The following CACNA2D3 variants were observed in gnomAD, a reference collection of about 807,000 sequenced individuals.
CACNA2D3 encodes calcium voltage-gated channel auxiliary subunit alpha2delta 3, also known as voltage-dependent calcium channel subunit alpha-2/delta-3.
In CACNA2D3, 60 loss-of-function variants were observed where a neutral mutation model predicts 160.6. The observed-to-expected ratio is 0.37, with a 90% CI of 0.30 to 0.46. The LOEUF (loss-of-function observed/expected upper bound fraction) is 0.46, where lower values mean the gene tolerates loss of function less well. Ranked by LOEUF, CACNA2D3 falls within the 20% of genes least tolerant of loss-of-function variation. The pLI is 1.00. For synonymous variants in CACNA2D3, 558 were observed against 492.9 expected (o/e 1.13, Z -1.75); for missense variants, 1,205 against 1,365.0 (o/e 0.88, Z 1.85).
chr3:54,676,357 G>A (rs1327686639), intron 11 of CACNA2D3, among the ~76,000 whole-genome samples: 6 of 152,114 alleles, frequency 3.9e-5, no homozygotes, highest in Admixed American at 2.6e-4. Flanking sequence ...CACCTGGTGG[G>A]ACCTGTCTTG....
intron 2 of CACNA2D3, among the ~76,000 whole-genome samples, chr3:54,281,398 G>T (rs756909830): frequency 6.6e-6 from 1 of 152,146 alleles, no homozygotes; most frequent in Non-Finnish European, 1.5e-5. Flanking sequence ...GTCAGACCAC[G>T]TGGGAGCTAG....
At position 54,461,404 on chromosome 3, in the gene CACNA2D3, C is replaced by T. The variant is rs949709684; in HGVS notation, c.382-42088C>T. On this transcript the variant is annotated intron_variant, in intron 4 of 37. Coordinates refer to ENST00000474759, the MANE Select transcript of CACNA2D3 (RefSeq NM_018398.3). The stretch of plus-strand genomic sequence containing the variant: ...GAATTCGGCTGTGAATCCATCTGGT[C>T]CTGGACTCTTTTTGATTGGTAAGCT... Among the ~76,000 whole-genome samples the T allele has an allele frequency of 8.6e-5, 13 of 151,162 alleles. 1 individual carries two copies. Among genetic ancestry groups the T allele is most frequent in the African/African-American group, 2.9e-4 (12 of 41,180 alleles).
chr3:54,693,066 C>T (rs1700598396), intron 11 of CACNA2D3, among the ~76,000 whole-genome samples: 1 of 151,822 alleles, frequency 6.6e-6, no homozygotes. Flanking sequence ...ACAAAAAAGC[C>T]CCAAAGTTGT....
At chr3:54,357,544 A>G (rs1698670594) in intron 3 of CACNA2D3, among the ~76,000 whole-genome samples, 1 of 152,236 alleles carries the variant, frequency 6.6e-6, no homozygotes, top group Admixed American at 6.5e-5. Context: ...TACTCTTACC[A>G]TATGATCCAG....
At chr3:54,159,752 G>A (rs893674453) in intron 2 of CACNA2D3, among the ~76,000 whole-genome samples, 4 of 151,930 alleles carry the variant, frequency 2.6e-5, no homozygotes, top group Non-Finnish European at 4.4e-5. Flanking sequence ...TCCCTCTTTT[G>A]AAAAATAATA....
intron 27 of CACNA2D3, among the ~76,000 whole-genome samples, chr3:54,961,001 G>A (rs1342661917): frequency 6.6e-6 from 1 of 152,188 alleles, no homozygotes; most frequent in East Asian, 1.9e-4. Flanking sequence ...GGTTAATCAT[G>A]AAATATTCCC....
chr3:54,933,959 C>T (rs554137552), intron 27 of CACNA2D3, among the ~76,000 whole-genome samples: 10 of 151,882 alleles, frequency 6.6e-5, no homozygotes, highest in Non-Finnish European at 8.8e-5. Flanking sequence ...TTGGTAGAGA[C>T]GGGGTTTCGT....
chr3:54,756,650 A>C (rs996697314), intron 12 of CACNA2D3, among the ~76,000 whole-genome samples: 2 of 152,174 alleles, frequency 1.3e-5, no homozygotes, highest in Non-Finnish European at 2.9e-5. Flanking sequence ...GCCTGACCAC[A>C]GAATGACCCT....
intron 9 of CACNA2D3, among the ~76,000 whole-genome samples, chr3:54,593,331 A>C (rs1016528437): frequency 2.6e-5 from 4 of 152,152 alleles, no homozygotes; most frequent in Non-Finnish European, 4.4e-5. Context: ...AACACATGTA[A>C]ATTTCAGAAT....
At chr3:54,141,061 C>CTGTGTG (rs55833247) in intron 2 of CACNA2D3, among the ~76,000 whole-genome samples, 3,538 of 129,466 alleles carry the variant, frequency 0.027, 53 homozygotes, top group Middle Eastern at 0.033. Flanking sequence ...CAGGTGAAAC[C>CTGTGTG]TGTGTGTGTG....
intron 11 of CACNA2D3, among the ~76,000 whole-genome samples, chr3:54,670,075 C>A (rs1700130715): frequency 6.6e-6 from 1 of 152,194 alleles, no homozygotes; most frequent in Non-Finnish European, 1.5e-5. Flanking sequence ...AAACCTTGCT[C>A]TCCCCCACAG....
chr3:54,449,271 T>C (rs892964304), intron 4 of CACNA2D3, among the ~76,000 whole-genome samples: 2 of 152,170 alleles, frequency 1.3e-5, no homozygotes, highest in Non-Finnish European at 2.9e-5. Flanking sequence ...AGGAAGAGAA[T>C]TGCTCTTGTT....
At chr3:54,985,888 A>G (rs553768742) in intron 30 of CACNA2D3, among the ~76,000 whole-genome samples, 1 of 152,298 alleles carries the variant, frequency 6.6e-6, no homozygotes, top group African/African-American at 2.4e-5. Context: ...GAGACTCAAA[A>G]TGCCCATTCC....
At chr3:54,773,905 A>G (rs148746658) in intron 13 of CACNA2D3, among the ~76,000 whole-genome samples, 1 of 152,322 alleles carries the variant, frequency 6.6e-6, no homozygotes, top group East Asian at 1.9e-4. Flanking sequence ...TAGGGCTAAA[A>G]ATGAAAATGA....
intron 2 of CACNA2D3, among the ~76,000 whole-genome samples, chr3:54,298,449 T>C (rs1703388586): frequency 6.6e-6 from 1 of 152,222 alleles, no homozygotes; most frequent in Non-Finnish European, 1.5e-5. Flanking sequence ...AGACGAGAGT[T>C]ATTAGTACTT....
chr3:54,391,232 A>G (rs1378288448), intron 4 of CACNA2D3, among the ~76,000 whole-genome samples: 1 of 152,170 alleles, frequency 6.6e-6, no homozygotes, highest in Admixed American at 6.5e-5. Flanking sequence ...CAACTCCTTT[A>G]TTATTACAAT....
chr3:54,294,302 C>T (rs55982339), intron 2 of CACNA2D3, among the ~76,000 whole-genome samples: 31,129 of 152,100 alleles, frequency 0.2, 3,343 homozygotes, highest in East Asian at 0.25. Context: ...CTGCCACTTT[C>T]CAAAGAAGCC....
chr3:54,157,817 CA>C (rs1349230993), intron 2 of CACNA2D3, among the ~76,000 whole-genome samples: 1 of 75,834 alleles, frequency 1.3e-5, no homozygotes, highest in Non-Finnish European at 2.7e-5. Context: ...GCAAAAAAAG[CA>C]AAAAAACCCA....
At chr3:54,748,461 T>C (rs1701797440) in intron 11 of CACNA2D3, among the ~76,000 whole-genome samples, 1 of 152,228 alleles carries the variant, frequency 6.6e-6, no homozygotes, top group Non-Finnish European at 1.5e-5. Flanking sequence ...CTTTGAACTT[T>C]CAAAGTCTAC....
Sources: gnomAD v4.1 joint callset for allele counts (sites outside exome capture counted in the v4.1 genomes callset) on GRCh38, gnomAD v4.1.1 for gene constraint, MANE v1.5 for transcripts, NCBI Gene and HGNC (gene_info 2026-07-23, HGNC 2026-07-21) for gene names.